FBXL13: variants seen among roughly 807,000 people sequenced by gnomAD.
FBXL13 encodes F-box and leucine rich repeat protein 13.
FBXL13 carries 67 observed loss-of-function variants against 83.6 expected under a neutral mutation model. The observed-to-expected ratio is 0.80, with a 90% confidence interval of 0.66 to 0.98. The LOEUF (loss-of-function observed/expected upper bound fraction) is 0.98, where lower values mean the gene tolerates loss of function less well. Among genes scored for constraint, FBXL13 ranks in the 50% least tolerant of loss-of-function variants. The pLI is 0.00. For missense variants in FBXL13, 822 were observed against 866.5 expected (o/e 0.95, Z 0.64); for synonymous variants, 272 against 299.5 (o/e 0.91, Z 0.95).
chr7:103,008,847 C>T (rs565912486), intron 6 of FBXL13, among the ~76,000 whole-genome samples: 92 of 152,128 alleles, frequency 6.0e-4, no homozygotes, highest in African/African-American at 2.0e-3. Context: ...CGTGAGCCAC[C>T]GCGCCCAGCT....
At chr7:102,941,942 C>T (rs1016551150) in intron 8 of FBXL13, among the ~76,000 whole-genome samples, 1 of 152,120 alleles carries the variant, frequency 6.6e-6, no homozygotes, top group African/African-American at 2.4e-5. Context: ...ATGTTTTTCA[C>T]ATGTTTCCCG....
At chr7:103,013,636 T>G (rs904760896) in intron 6 of FBXL13, among the ~76,000 whole-genome samples, 1 of 152,076 alleles carries the variant, frequency 6.6e-6, no homozygotes, top group Non-Finnish European at 1.5e-5. Context: ...GCCAAAGCAC[T>G]GTTAAGAGGG....
chr7:103,007,393 CCTAA>C (rs1213714120), intron 6 of FBXL13, among the ~76,000 whole-genome samples: 1 of 151,600 alleles, frequency 6.6e-6, no homozygotes, highest in Non-Finnish European at 1.5e-5. Context: ...AAATTTAGCC[CCTAA>C]CTGATTTAAA....
chr7:102,942,280 T>A, intron 8 of FBXL13: 1 of 1,594,966 alleles, frequency 6.3e-7, no homozygotes, highest in Non-Finnish European at 8.5e-7. Context: ...AAAGGTCTCC[T>A]ATATTTCAGG....
chr7:103,045,645 C>A (rs748240773), intron 2 of FBXL13, among the ~76,000 whole-genome samples: 2 of 152,140 alleles, frequency 1.3e-5, no homozygotes, highest in Non-Finnish European at 2.9e-5. Context: ...TATGTGTTTC[C>A]GTAAAGTCTT....
chr7:102,846,615 CAAAA>C (rs763704448), intron 17 of FBXL13, among the ~76,000 whole-genome samples: 1 of 122,486 alleles, frequency 8.2e-6, no homozygotes, highest in Non-Finnish European at 1.8e-5. Flanking sequence ...GACTCAGTCT[CAAAA>C]AAAAAAAAAA....
At chr7:102,947,842 C>A (rs1265203634) in intron 8 of FBXL13, among the ~76,000 whole-genome samples, 2 of 151,596 alleles carry the variant, frequency 1.3e-5, no homozygotes, top group Non-Finnish European at 2.9e-5. Flanking sequence ...CTGAAGTAAA[C>A]AAGATTTACT....
Position 102,926,186 on chromosome 7 carries a change from G to A in FBXL13, c.878+88C>T, listed in dbSNP as rs78166783. 910 of 1,053,210 alleles carry A rather than the reference G, an allele frequency of 8.6e-4. 6 individuals are homozygous for A. The African/African-American group carries it at 0.013, about 16-fold the overall frequency. The allele number at this position is 1,053,210 out of a possible 1,614,324, so 65.2% of individuals were successfully genotyped here. On this transcript the variant is annotated intron_variant, in intron 10 of 19. Coordinates refer to ENST00000313221, the Ensembl canonical transcript of FBXL13. ...CACAGTGGTGGGGTGTTGATAAAGG[G>A]AGCACTGCCCTTGCAGAATGCTAGA...
chr7:102,866,254 G>C (rs988329316), intron 16 of FBXL13, among the ~76,000 whole-genome samples: 7 of 152,160 alleles, frequency 4.6e-5, no homozygotes, highest in Non-Finnish European at 1.0e-4. Context: ...CATCTTGAGG[G>C]AAGTGACAGG....
At chr7:102,883,668 G>C (rs1312968922) in exon 13 of FBXL13, 1 of 1,605,738 alleles carries the variant, frequency 6.2e-7, no homozygotes, top group East Asian at 2.2e-5. Context: ...TAATACGAGA[G>C]CATTTTTCAA....
chr7:103,049,775 CA>C (rs1189472177), intron 2 of FBXL13, among the ~76,000 whole-genome samples: 1 of 152,192 alleles, frequency 6.6e-6, no homozygotes, highest in African/African-American at 2.4e-5. Context: ...CGACTTTAGC[CA>C]GGCCAAAGAG....
chr7:102,996,228 A>G (rs1437430578), intron 6 of FBXL13, among the ~76,000 whole-genome samples: 1 of 152,170 alleles, frequency 6.6e-6, no homozygotes, highest in African/African-American at 2.4e-5. Context: ...TTCCATATAC[A>G]AGCTTTTCTA....
intron 11 of FBXL13, among the ~76,000 whole-genome samples, chr7:102,908,313 CT>C (rs1290892555): frequency 6.6e-5 from 10 of 152,088 alleles, no homozygotes; most frequent in Admixed American, 5.9e-4. Context: ...AATTTCTTCT[CT>C]GTGTTATCTT....
At chr7:102,939,671 GT>G in intron 8 of FBXL13, 3 of 1,187,778 alleles carry the variant, frequency 2.5e-6, no homozygotes, top group Non-Finnish European at 3.5e-6. Flanking sequence ...AGTAAATTCA[GT>G]TTAAAAGTAA....
chr7:103,013,534 T>C (rs1791890779), intron 6 of FBXL13, among the ~76,000 whole-genome samples: 1 of 152,126 alleles, frequency 6.6e-6, no homozygotes, highest in African/African-American at 2.4e-5. Context: ...CTAAATGACT[T>C]CTGGATAAAT....
intron 2 of FBXL13, among the ~76,000 whole-genome samples, chr7:103,036,775 G>A (rs914228455): frequency 6.6e-6 from 1 of 152,196 alleles, no homozygotes; most frequent in Non-Finnish European, 1.5e-5. Flanking sequence ...GCCTCCCAAA[G>A]TGTTGGGGTT....
chr7:102,854,928 C>A, intron 16 of FBXL13, 68 bp from the exon 18 acceptor site: 1 of 848,342 alleles, frequency 1.2e-6, no homozygotes, highest in Non-Finnish European at 1.8e-6. Context: ...GTTCCAATAA[C>A]CATTTATACA....
chr7:102,922,913 G>A (rs2129471175), intron 10 of FBXL13, among the ~76,000 whole-genome samples: 1 of 152,276 alleles, frequency 6.6e-6, no homozygotes, highest in South Asian at 2.1e-4. Context: ...GGGAGGCGGA[G>A]CTTGCAGTGA....
intron 2 of FBXL13, among the ~76,000 whole-genome samples, chr7:103,040,289 T>C (rs558106205): frequency 2.0e-5 from 3 of 152,248 alleles, no homozygotes; most frequent in East Asian, 1.9e-4. Flanking sequence ...CCTAAATATA[T>C]ATGCACCCAA....
Sources: allele counts gnomAD v4.1 joint callset (sites outside exome capture counted in the v4.1 genomes callset), GRCh38; gene constraint gnomAD v4.1.1; transcripts MANE v1.5; gene names NCBI Gene and HGNC (gene_info 2026-07-23, HGNC 2026-07-21).